The following LMNTD2 variants were observed in gnomAD, a reference collection of about 807,000 sequenced individuals.
LMNTD2 encodes lamin tail domain-containing protein 2.
LMNTD2 carries 83 observed loss-of-function variants against 70.1 expected under a neutral mutation model. That is an observed-to-expected ratio of 1.18 (90% CI 0.99 to 1.42). The LOEUF (loss-of-function observed/expected upper bound fraction) is 1.42. Ranked by LOEUF, LMNTD2 falls within the 40% of genes most tolerant of loss-of-function variation. The pLI, the probability that LMNTD2 is intolerant of heterozygous loss-of-function variation, is 0.00. For missense variants in LMNTD2, 1,153 were observed against 905.9 expected (o/e 1.27, Z -3.50); for synonymous variants, 534 against 406.1 (o/e 1.31, Z -3.79).
chr11:559,104 T>G, intron 1 of LMNTD2, 125 bp from the exon 2 acceptor site: 3 of 1,513,298 alleles, frequency 2.0e-6, no homozygotes, highest in Non-Finnish European at 2.6e-6. Flanking sequence ...GCGCCTCGTG[T>G]GGCCACACAG....
At chr11:560,644 G>C in intron 1 of LMNTD2, 39 bp downstream of exon 1, 1 of 1,379,330 alleles carries the variant, frequency 7.2e-7, no homozygotes, top group Non-Finnish European at 9.5e-7. Context: ...CTAGAAGGCT[G>C]CTGAGGAAGT....
rs898499342 is a variant in LMNTD2, at chr11:555,702, G to A, written c.1574+32C>T. 4 of 1,373,696 alleles carry A rather than the reference G, an allele frequency of 2.9e-6. No individual in the cohort carries two copies. In the African/African-American group the frequency reaches 4.6e-5, roughly 16 times the overall value. 85.1% of individuals were successfully genotyped at this position (1,373,696 alleles called of 1,614,324 possible). A position where few individuals can be genotyped will look rare whatever the true frequency, so the allele number is the denominator to read the frequency against. ...TCTGCTGGGTCGGGGCCTGGGGAGG[G>A]AGGCCAGATCCCGGGGACCCGCGGT... On this transcript the variant is annotated intron_variant, in intron 12 of 13. Transcript: ENST00000329451.
At chr11:555,539 C>G in intron 12 of LMNTD2, 36 bp from the exon 13 acceptor site, 1 of 1,330,284 alleles carries the variant, frequency 7.5e-7, no homozygotes, top group Non-Finnish European at 9.6e-7. Flanking sequence ...GGCGGCCGGC[C>G]CGGGAAAGGC....
rs1852905777 is a variant in LMNTD2, at chr11:556,722, G to GT, written c.976+112dup. On this transcript the variant is annotated intron_variant, in intron 8 of 13. Transcript: ENST00000329451. ...GCCAGGGTCAGATGGGGCAGGAAAG[G>GT]TGGCTGGACCTTGGGGGCTGGAGGG... is the stretch of plus-strand genomic sequence containing the variant. 6.3e-6 allele frequency: 9 copies of GT among 1,430,106 alleles called. No individual in the cohort carries two copies. In the East Asian group the frequency reaches 1.0e-4, roughly 16 times the overall value. 88.6% of individuals were successfully genotyped at this position (1,430,106 alleles called of 1,614,324 possible).
Position 557,481 on chromosome 11 carries a change from G to T in LMNTD2, c.631C>A (p.Arg211=). The part of the protein sequence containing the change: ...NIQAPTGEGF[R]LEDVDWNSVA... ...CTGTTCCAATCCACGTCCTCCAGCC[G>T]AAAGCCCTGGCCAGGAAGCAAGAGG... The change falls in exon 7 of 14, where the codon CGG becomes AGG. Residue 211 remains arginine, a synonymous_variant. Coordinates refer to ENST00000329451, the MANE Select transcript of LMNTD2 (RefSeq NM_173573.3). 2 of 1,612,108 alleles carry T rather than the reference G, an allele frequency of 1.2e-6. No individual in the cohort carries two copies.
At chr11:559,117 T>A in intron 1 of LMNTD2, 138 bp from the exon 2 acceptor site, 1 of 1,497,418 alleles carries the variant, frequency 6.7e-7, no homozygotes. Flanking sequence ...CCACACAGGT[T>A]GGAGCAGCCC....
chr11:556,209 G>A lies in LMNTD2; in HGVS notation c.1240C>T (p.Pro414Ser). 6.9e-7 allele frequency: 1 copy of A among 1,452,320 alleles called. No individual in the cohort carries two copies. The highest frequency in any genetic ancestry group is 1.4e-5 in the South Asian group (1 of 74,038). The allele number at this position is 1,452,320 out of a possible 1,614,324, so 90.0% of individuals were successfully genotyped here. Residue 414 changes from proline to serine, a missense_variant, in exon 10 of 14, where the codon CCG becomes TCG. Transcript: ENST00000329451. ...GGGCGCACCGTGACGTGGTGCCGCG[G>A]GGCCAGCAGCGTGCCCGGCGGGAAG... ...YRFPPGTLLA[P>S]RHHVTVWGEA...
Position 555,286 on chromosome 11 carries a change from C to A in LMNTD2, c.1773+19G>T, listed in dbSNP as rs1269502092. ...ACGAGGAGGGAGAGGAGGGGGCGCA[C>A]CCGCAAGCGCGCACTCACCCGAACT... On this transcript the variant is annotated intron_variant, in intron 13 of 13. Transcript: ENST00000329451. 3 of 1,380,090 alleles carry A rather than the reference C, an allele frequency of 2.2e-6. No homozygotes were observed. Among genetic ancestry groups the A allele is most frequent in the East Asian group, 6.0e-5 (2 of 33,244 alleles). 85.5% of individuals were successfully genotyped at this position (1,380,090 alleles called of 1,614,324 possible).
rs879337811 is a variant in LMNTD2 at position 556,559 on chromosome 11, C to T, written c.1006G>A (p.Gly336Ser). The change falls in exon 9 of 14, where the codon GGC becomes AGC. Residue 336 changes from glycine (G) to serine (S), a missense_variant. Physicochemically the swap from Gly to Ser is moderately conservative, Grantham distance 56. Transcript: ENST00000329451. ...GGCTGGGGCGACAGGACCGGCTCGC[C>T]GTGCCTGGGTGAGTGGGTTTTCTGG... ...DLQKTHSPRH[G>S]EPVLSPQPCT... 6.4e-7 allele frequency: 1 copy of T among 1,551,822 alleles called. No individual in the cohort carries two copies. The highest frequency in any genetic ancestry group is 8.7e-7 in the Non-Finnish European group (1 of 1,150,498).
At chr11:556,415 C>G (rs952876950) in intron 9 of LMNTD2, 40 bp from the exon 10 acceptor site, 3 of 1,541,954 alleles carry the variant, frequency 1.9e-6, no homozygotes, top group Non-Finnish European at 2.6e-6. Context: ...TGCGGCCGGT[C>G]CACCCGCACA....
In LMNTD2 at chr11:555,523, G is replaced by A. The variant is rs756306236; in HGVS notation, c.1575-20C>T. ...CGCGTCCTGGTGGGGCGAGGGTCGT[G>A]AGGGCGGCGGCCGGCCCGGGAAAGG... On this transcript the variant is annotated intron_variant, in intron 12 of 13. Transcript: ENST00000329451. The A allele has an allele frequency of 1.5e-6, 2 of 1,348,774 alleles. No individual in the cohort carries two copies. The highest frequency in any genetic ancestry group is 7.4e-5 in the Admixed American group (2 of 26,862). The allele number at this position is 1,348,774 out of a possible 1,614,324, so 83.6% of individuals were successfully genotyped here.
Position 557,921 on chromosome 11 carries a change from A to C in LMNTD2, c.518T>G (p.Val173Gly). ...CLLQLARSSW[V>G]GRMLRSQTGS... ...AGTCTGGGATCGTAGCATGCGGCCC[A>C]CCCACGAGGAGCGGGCCAGCTGCAG... Residue 173 changes from valine to glycine, a missense_variant, in exon 5 of 14, where the codon GTG becomes GGG. Transcript: ENST00000329451. 1 of 1,586,130 alleles carries C rather than the reference A, an allele frequency of 6.3e-7. No individual in the cohort carries two copies. Among genetic ancestry groups the C allele is most frequent in the Middle Eastern group, 2.0e-4 (1 of 5,000 alleles).
chr11:557,186 C>A lies in LMNTD2; in HGVS notation c.714-89G>T. On this transcript the variant is annotated intron_variant, in intron 7 of 13. Coordinates refer to ENST00000329451, the MANE Select transcript of LMNTD2 (RefSeq NM_173573.3). ...CCTCACAAGGCAGTGCAGCAGGGAG[C>A]CCCTCTTGCCTCCCAGTACCCAGGC... 4 of 1,470,312 alleles carry A rather than the reference C, an allele frequency of 2.7e-6. No individual in the cohort carries two copies. In the South Asian group the frequency reaches 4.0e-5, roughly 15 times the overall value. The allele number at this position is 1,470,312 out of a possible 1,614,324, so 91.1% of individuals were successfully genotyped here.
rs1408594403 is a variant in LMNTD2, at chr11:557,515, C to T, written c.625-28G>A. 15 of 1,613,246 alleles carry T rather than the reference C, an allele frequency of 9.3e-6. No homozygotes were observed. The Admixed American group carries it at 2.3e-4, about 25-fold the overall frequency. On this transcript the variant is annotated intron_variant, in intron 6 of 13. Coordinates refer to ENST00000329451, the MANE Select transcript of LMNTD2 (RefSeq NM_173573.3). ...GGCCAGGAAGCAAGAGGCACATGGT[C>T]CTCCCCTCCCGCAGGGCTCCAGATA...
rs1012808532 is a variant in LMNTD2, at chr11:560,707, G to C, written c.10C>G (p.Leu4Val). Reference sequence around the variant, plus strand: ...CCCCGACGCCTGCCCGCGGGCCGCAGCCACCGCATTTCCGCGTTTTTCGCG... The same window carrying C: ...CCCCGACGCCTGCCCGCGGGCCGCACCCACCGCATTTCCGCGTTTTTCGCG... MRW[L>V]RPAGRRREQE... is the part of the protein sequence containing the mutation. The change falls in exon 1 of 14, where the codon CTG (leucine) becomes GTG (valine). Residue 4 changes from leucine (L) to valine (V), a missense_variant. Coordinates refer to ENST00000329451, the MANE Select transcript of LMNTD2 (RefSeq NM_173573.3). 1.5e-5 allele frequency: 21 copies of C among 1,441,656 alleles called. No homozygotes were observed. The highest frequency in any genetic ancestry group is 2.6e-5 in the Admixed American group (1 of 38,160). The allele number at this position is 1,441,656 out of a possible 1,614,324, so 89.3% of individuals were successfully genotyped here.
At position 556,499 on chromosome 11, in the gene LMNTD2, G is replaced by A. The variant is rs1366252137; in HGVS notation, c.1066C>T (p.Leu356=). 2 of 1,551,884 alleles carry A rather than the reference G, an allele frequency of 1.3e-6. No individual in the cohort carries two copies. The highest frequency in any genetic ancestry group is 1.2e-5 in the South Asian group (1 of 84,142). Residue 356 remains leucine, a synonymous_variant, in exon 9 of 14, where the codon CTG becomes TTG. Coordinates refer to ENST00000329451, the MANE Select transcript of LMNTD2 (RefSeq NM_173573.3). ...GGGTCACTCGCCCCTTACCTCTGCAGGAGTTCCGGGCTCCAGTGGTCCGGG... is the reference window on the plus strand; with the variant it reads ...GGGTCACTCGCCCCTTACCTCTGCAAGAGTTCCGGGCTCCAGTGGTCCGGG... ...TDPDHWSPEL[L]QSPTGLKIVA... is the part of the protein sequence containing the mutation.
rs1419918619 is a variant in LMNTD2 at position 554,942 on chromosome 11, G to GCGCCCTCCCT, written c.*28_*37dup. On this transcript the variant is annotated 3_prime_UTR_variant, in exon 14 of 14. Coordinates refer to ENST00000329451, the MANE Select transcript of LMNTD2 (RefSeq NM_173573.3). ...GCCCGCCCAGCCCCGGCGCCCGCCC[G>GCGCCCTCCCT]CGCCCTCCCTCGCGGTCCCGGCCCC... 1 of 1,447,912 alleles carries GCGCCCTCCCT rather than the reference G, an allele frequency of 6.9e-7. No individual in the cohort carries two copies. The highest frequency in any genetic ancestry group is 1.5e-5 in the African/African-American group (1 of 67,194). The allele number at this position is 1,447,912 out of a possible 1,614,324, so 89.7% of individuals were successfully genotyped here. A position where few individuals can be genotyped will look rare whatever the true frequency, so the allele number is the denominator to read the frequency against.
Position 555,182 on chromosome 11 carries a change from G to GGAGGGGCGGGGAGGAGAGC in LMNTD2, c.1774-72_1774-71insGCTCTCCTCCCCGCCCCTC, listed in dbSNP as rs1554892657. 452 of 240,434 alleles carry GGAGGGGCGGGGAGGAGAGC rather than the reference G, an allele frequency of 1.9e-3. 8 individuals carry two copies. The African/African-American group carries it at 0.021, about 11-fold the overall frequency. The allele number at this position is 240,434 out of a possible 1,614,324, so 14.9% of individuals were successfully genotyped here. A position where few individuals can be genotyped will look rare whatever the true frequency, so the allele number is the denominator to read the frequency against. On this transcript the variant is annotated intron_variant, in intron 13 of 13. Coordinates refer to ENST00000329451, the MANE Select transcript of LMNTD2 (RefSeq NM_173573.3). The stretch of plus-strand genomic sequence containing the variant: ...GGGAGGGGAGGGGAGGGGAGGAGAG[G>GGAGGGGCGGGGAGGAGAGC]GGAGGGGCGGGGAGGAGAGCGGAGG...
intron 1 of LMNTD2, chr11:559,505 G>A (rs1853145120): frequency 1.6e-6 from 2 of 1,277,610 alleles, no homozygotes; most frequent in Middle Eastern, 4.8e-4. Flanking sequence ...CAGCCTGGAG[G>A]AGGTGTGAGA....
Sources: gnomAD v4.1 joint callset for allele counts on GRCh38, gnomAD v4.1.1 for gene constraint, MANE v1.5 for transcripts, NCBI Gene and HGNC (gene_info 2026-07-23, HGNC 2026-07-21) for gene names.